The following THRA variants were observed in gnomAD, a reference collection of about 807,000 sequenced individuals.
The protein encoded by THRA is thyroid hormone receptor alpha, also known as EAR-7.
Under a neutral mutation model 45.0 loss-of-function variants are expected in THRA, and 13 were observed. The observed-to-expected ratio is 0.29, with a 90% CI of 0.19 to 0.46. THRA has a LOEUF of 0.46. Ranked by LOEUF, THRA falls within the 20% of genes least tolerant of loss-of-function variation. The pLI is 1.00. For missense variants in THRA, 278 were observed against 556.1 expected (o/e 0.50, Z 5.03); for synonymous variants, 195 against 214.0 (o/e 0.91, Z 0.78).
Position 40,070,564 on chromosome 17 carries a change from T to G in THRA, c.-297-3628T>G, listed in dbSNP as rs564153648. On this transcript the variant is annotated intron_variant, in intron 1 of 8. Coordinates refer to ENST00000450525, the MANE Select transcript of THRA (RefSeq NM_199334.5). ...GGGGGCAGTGCTGCCCATAGACGCC[T>G]GTGCCCATGCATGCCCATTTATGTG... 1.4e-4 allele frequency among the ~76,000 whole-genome samples: 21 copies of G among 152,302 alleles called. No homozygotes were observed. In the South Asian group the frequency reaches 4.1e-3, roughly 30 times the overall value.
chr17:40,076,096 G>A (rs1167119651), intron 2 of THRA, among the ~76,000 whole-genome samples: 1 of 152,250 alleles, frequency 6.6e-6, no homozygotes, highest in Non-Finnish European at 1.5e-5. Flanking sequence ...ACATATATGT[G>A]CAGTGGCTGA....
intron 2 of THRA, among the ~76,000 whole-genome samples, chr17:40,076,189 C>T (rs974006407): frequency 2.0e-5 from 3 of 152,170 alleles, no homozygotes; most frequent in Admixed American, 1.3e-4. Flanking sequence ...CAAGCAGGGT[C>T]TCAGTTTGCT....
At chr17:40,075,544 C>T (rs1226949383) in intron 2 of THRA, among the ~76,000 whole-genome samples, 1 of 152,264 alleles carries the variant, frequency 6.6e-6, no homozygotes, top group Non-Finnish European at 1.5e-5. Flanking sequence ...GTGGCTGTCA[C>T]TTGCAGCCCC....
At chr17:40,075,121 A>G (rs986517896) in intron 2 of THRA, among the ~76,000 whole-genome samples, 1 of 152,268 alleles carries the variant, frequency 6.6e-6, no homozygotes, top group African/African-American at 2.4e-5. Context: ...TTTTGCTTCC[A>G]CATGGGTGAG....
At chr17:40,083,788 G>A in intron 4 of THRA, 47 bp from the exon 5 acceptor site, 1 of 1,544,716 alleles carries the variant, frequency 6.5e-7, no homozygotes, top group Non-Finnish European at 8.8e-7. Context: ...GTTCAGGAAG[G>A]GGAAGCCATG....
rs550368365 is a variant in THRA at position 40,077,678 on chromosome 17, C to T, written c.222+70C>T. 19 of 1,277,264 alleles carry T rather than the reference C, an allele frequency of 1.5e-5. No individual in the cohort carries two copies. The South Asian group carries it at 2.4e-4, about 16-fold the overall frequency. 79.1% of individuals were successfully genotyped at this position (1,277,264 alleles called of 1,614,324 possible). A position where few individuals can be genotyped will look rare whatever the true frequency, so the allele number is the denominator to read the frequency against. On this transcript the variant is annotated intron_variant, in intron 4 of 8. Transcript: ENST00000450525. ...ATATTACTCCCTATGTCACCTAAAG[C>T]CCGCCTGTTAGGTCATCACTTTTTT...
At chr17:40,086,587 T>G in intron 6 of THRA, 120 bp from the exon 7 acceptor site, 1 of 1,285,710 alleles carries the variant, frequency 7.8e-7, no homozygotes, top group Non-Finnish European at 1.1e-6. Flanking sequence ...GGCCTGGGAC[T>G]CAGGCACGGG....
chr17:40,068,681 G>A (rs1175647547), intron 1 of THRA, among the ~76,000 whole-genome samples: 1 of 152,188 alleles, frequency 6.6e-6, no homozygotes, highest in African/African-American at 2.4e-5. Context: ...CCTCAGCCAT[G>A]CCCCTCAGCA....
At chr17:40,069,210 A>C (rs1986687961) in intron 1 of THRA, among the ~76,000 whole-genome samples, 1 of 134,572 alleles carries the variant, frequency 7.4e-6, no homozygotes, top group African/African-American at 2.9e-5. Flanking sequence ...ACACACTCTC[A>C]ATCTTTCTCT....
intron 1 of THRA, among the ~76,000 whole-genome samples, chr17:40,071,212 C>A (rs1317464157): frequency 6.6e-6 from 1 of 152,174 alleles, no homozygotes; most frequent in African/African-American, 2.4e-5. Flanking sequence ...AGTTCAGGGG[C>A]CCCAGAAAGG....
intron 2 of THRA, among the ~76,000 whole-genome samples, chr17:40,075,483 C>T (rs1401305780): frequency 1.3e-5 from 2 of 152,228 alleles, no homozygotes; most frequent in Non-Finnish European, 2.9e-5. Context: ...CTCCCCTCCC[C>T]CAAAGCCTCA....
In THRA at chr17:40,083,935, A is replaced by C. The variant is rs1250245769; in HGVS notation, c.323A>C (p.Gln108Pro). The C allele has an allele frequency of 6.2e-7, 1 of 1,613,834 alleles. No homozygotes were observed. The highest frequency in any genetic ancestry group is 1.3e-5 in the African/African-American group (1 of 74,924). ...VIDKITRNQC[Q>P]LCRFKKCIAV... The stretch of plus-strand genomic sequence containing the variant: ...GACAAGATCACCCGCAATCAGTGCC[A>C]GCTGTGCCGCTTCAAGAAGTGCATC... The change falls in exon 5 of 9, where the codon CAG (glutamine) becomes CCG (proline). Residue 108 changes from glutamine (Q) to proline (P), a missense_variant. Physicochemically the swap from Gln to Pro is moderately conservative, Grantham distance 76 (BLOSUM62 -1). Coordinates refer to ENST00000450525, the MANE Select transcript of THRA (RefSeq NM_199334.5).
chr17:40,085,585 C>T lies in THRA; in HGVS notation c.576+770C>T, dbSNP rs1385713168. ...CTGACCTCAAGTGATCCACCCGCCT[C>T]GGCCTCCCAAAGTGCTGTGATTACA... is the stretch of plus-strand genomic sequence containing the variant. On this transcript the variant is annotated intron_variant, in intron 6 of 8. Coordinates refer to ENST00000450525, the MANE Select transcript of THRA (RefSeq NM_199334.5). 2.6e-5 allele frequency among the ~76,000 whole-genome samples: 4 copies of T among 151,820 alleles called. No homozygotes were observed. The East Asian group carries it at 5.8e-4, about 22-fold the overall frequency.
rs539067326 is a variant in THRA at position 40,066,860 on chromosome 17, C to T, written c.-298+3768C>T. ...CTTTGAGCAAGCGATTTAACTTCCC[C>T]GTTGCCTCATCTGTAAATTGGGGAT... On this transcript the variant is annotated intron_variant, in intron 1 of 8. Transcript: ENST00000450525. 7.2e-5 allele frequency among the ~76,000 whole-genome samples: 11 copies of T among 152,234 alleles called. 1 individual carries two copies. The highest frequency in any genetic ancestry group is 2.0e-4 in the Admixed American group (3 of 15,298).
chr17:40,071,697 G>A (rs1289313184), intron 1 of THRA, among the ~76,000 whole-genome samples: 4 of 152,218 alleles, frequency 2.6e-5, no homozygotes, highest in South Asian at 4.1e-4. Context: ...TGGAGGAGGG[G>A]TGAGAGGCTG....
At chr17:40,064,185 AG>A (rs1986468955) in intron 1 of THRA, among the ~76,000 whole-genome samples, 1 of 152,134 alleles carries the variant, frequency 6.6e-6, no homozygotes, top group East Asian at 1.9e-4. Context: ...TGGAGCTCTG[AG>A]GGGTGGGATA....
At chr17:40,088,028 T>C (rs1390700394) in intron 7 of THRA, among the ~76,000 whole-genome samples, 1 of 152,224 alleles carries the variant, frequency 6.6e-6, no homozygotes, top group Non-Finnish European at 1.5e-5. Flanking sequence ...CCCATAGTGC[T>C]GGCATTATAG....
chr17:40,081,713 C>T (rs1037863173), intron 4 of THRA, among the ~76,000 whole-genome samples: 4 of 151,976 alleles, frequency 2.6e-5, no homozygotes, highest in African/African-American at 9.7e-5. Context: ...CCTGTAATCC[C>T]AGCACTTTGG....
chr17:40,080,396 C>T (rs1175557113), intron 4 of THRA, among the ~76,000 whole-genome samples: 2 of 151,634 alleles, frequency 1.3e-5, no homozygotes, highest in African/African-American at 2.4e-5. Context: ...CAGAACAAGA[C>T]CCTGTCTTAA....
Sources: gnomAD v4.1 joint callset for allele counts (sites outside exome capture counted in the v4.1 genomes callset) on GRCh38, gnomAD v4.1.1 for gene constraint, MANE v1.5 for transcripts, NCBI Gene and HGNC (gene_info 2026-07-23, HGNC 2026-07-21) for gene names.